Variants in PARM1 observed in about 807,000 individuals in gnomAD.
PARM1 encodes the protein prostate androgen-regulated mucin-like protein 1.
Under a neutral mutation model 24.6 loss-of-function variants are expected in PARM1, and 14 were observed. The observed-to-expected ratio is 0.57, with a 90% CI of 0.38 to 0.89. PARM1 has a LOEUF of 0.89. PARM1 is among the 40% of genes least tolerant of loss of function. PARM1 has a pLI of 0.00. For missense variants in PARM1, 362 were observed against 380.4 expected, an observed-to-expected ratio of 0.95 and a Z score of 0.40; for synonymous variants, 179 against 156.6, an observed-to-expected ratio of 1.14 and a Z score of -1.07.
intron 3 of PARM1, among the ~76,000 whole-genome samples, chr4:75,044,646 A>C (rs1372260039): frequency 6.6e-6 from 1 of 152,206 alleles, no homozygotes; most frequent in Non-Finnish European, 1.5e-5. Context: ...AGAAATATTA[A>C]GCTGGGAGTC....
chr4:74,979,203 A>T (rs6854667), intron 1 of PARM1, among the ~76,000 whole-genome samples: 22,008 of 152,000 alleles, frequency 0.14, 1,785 homozygotes, highest in East Asian at 0.34. Flanking sequence ...TTTTAAAAAA[A>T]ATATTAAAAT....
intron 1 of PARM1, chr4:74,967,724 T>C (rs1388659926): frequency 6.6e-6 from 1 of 152,230 alleles, no homozygotes; most frequent in Admixed American, 6.5e-5. Flanking sequence ...AATACATGCC[T>C]ACCTGTAAAG....
At chr4:74,938,126 A>G (rs559743826) in intron 1 of PARM1, among the ~76,000 whole-genome samples, 2 of 152,212 alleles carry the variant, frequency 1.3e-5, no homozygotes, top group Admixed American at 6.5e-5. Context: ...GCAATAATCA[A>G]TAATTGCCGT....
chr4:75,033,156 A>C (rs1400483948), intron 2 of PARM1, among the ~76,000 whole-genome samples: 1 of 152,196 alleles, frequency 6.6e-6, no homozygotes, highest in Admixed American at 6.5e-5. Context: ...GCGTGACTTT[A>C]TATTGCACCA....
intron 3 of PARM1, among the ~76,000 whole-genome samples, chr4:75,040,416 CT>C (rs1723459330): frequency 6.6e-6 from 1 of 151,878 alleles, no homozygotes; most frequent in South Asian, 2.1e-4. Flanking sequence ...AAAGTAACAG[CT>C]TTTTAAAAGA....
At chr4:75,013,844 G>A (rs1560792451) in intron 2 of PARM1, among the ~76,000 whole-genome samples, 1 of 152,084 alleles carries the variant, frequency 6.6e-6, no homozygotes, top group Non-Finnish European at 1.5e-5. Flanking sequence ...TCTTTGTTTT[G>A]TAATCTTGGA....
In PARM1 at chr4:75,012,939, C is replaced by T. The variant is rs775715187; in HGVS notation, c.558C>T (p.Pro186=). 6.2e-7 allele frequency: 1 copy of T among 1,613,988 alleles called. No homozygotes were observed. Among genetic ancestry groups the T allele is most frequent in the Admixed American group, 1.7e-5 (1 of 60,026 alleles). ...GCTCCACTGTGACCAGCACCCAACC[C>T]ACTGGAGCTCCAACTGCACCAGAGT... The part of the protein sequence containing the change: ...NHSSTVTSTQ[P]TGAPTAPESP... The change falls in exon 2 of 4, where the codon CCC becomes CCT. Residue 186 remains proline, a synonymous_variant. Coordinates refer to ENST00000307428, the MANE Select transcript of PARM1 (RefSeq NM_015393.4).
intron 1 of PARM1, among the ~76,000 whole-genome samples, chr4:74,990,712 T>G (rs542804665): frequency 1.3e-5 from 2 of 152,140 alleles, no homozygotes; most frequent in Admixed American, 1.3e-4. Context: ...CAACCAAGCA[T>G]AGTAAATTAG....
chr4:75,012,069 C>G (rs73828406), intron 1 of PARM1, among the ~76,000 whole-genome samples: 1 of 152,134 alleles, frequency 6.6e-6, no homozygotes, highest in Non-Finnish European at 1.5e-5. Context: ...GTTGGCTGCT[C>G]GGCAGTCCAG....
At chr4:74,987,209 A>G (rs549469061) in intron 1 of PARM1, among the ~76,000 whole-genome samples, 1 of 152,276 alleles carries the variant, frequency 6.6e-6, no homozygotes, top group Non-Finnish European at 1.5e-5. Flanking sequence ...TCAGTCACAA[A>G]TACAGTTTCC....
chr4:74,977,206 A>G (rs1327652057), intron 1 of PARM1, among the ~76,000 whole-genome samples: 1 of 152,234 alleles, frequency 6.6e-6, no homozygotes, highest in East Asian at 1.9e-4. Context: ...CAAGCTAAGA[A>G]TCATGATAAA....
intron 1 of PARM1, among the ~76,000 whole-genome samples, chr4:75,007,970 A>G (rs1722804151): frequency 6.6e-6 from 1 of 152,152 alleles, no homozygotes; most frequent in South Asian, 2.1e-4. Context: ...AGCCTTTACA[A>G]CTGCGAAAAT....
intron 1 of PARM1, among the ~76,000 whole-genome samples, chr4:74,947,580 A>G (rs1216590746): frequency 2.6e-5 from 4 of 152,220 alleles, no homozygotes; most frequent in Non-Finnish European, 5.9e-5. Flanking sequence ...AATATTTTCA[A>G]TATGATAATA....
intron 1 of PARM1, chr4:74,965,240 CTG>C (rs1462934147): frequency 1.3e-5 from 2 of 152,164 alleles, no homozygotes; most frequent in Non-Finnish European, 2.9e-5. Flanking sequence ...GACTGAAAAA[CTG>C]TTTCTTAGTT....
intron 1 of PARM1, among the ~76,000 whole-genome samples, chr4:74,963,694 GT>G (rs546908766): frequency 2.2e-3 from 333 of 152,306 alleles, no homozygotes; most frequent in Non-Finnish European, 3.2e-3. Context: ...CAGAGTTTCT[GT>G]TTGGGATGAT....
At chr4:74,998,097 T>C (rs923473511) in intron 1 of PARM1, among the ~76,000 whole-genome samples, 2 of 152,190 alleles carry the variant, frequency 1.3e-5, no homozygotes, top group African/African-American at 4.8e-5. Context: ...CAGAATATGC[T>C]GTACTCCAAT....
chr4:75,043,629 A>T (rs1482256202), intron 3 of PARM1, among the ~76,000 whole-genome samples: 1 of 152,218 alleles, frequency 6.6e-6, no homozygotes, highest in African/African-American at 2.4e-5. Context: ...CCAGGCTTGT[A>T]GCAGTAAGTT....
chr4:75,046,119 C>T, intron 3 of PARM1, 44 bp from the exon 4 acceptor site: 1 of 1,363,590 alleles, frequency 7.3e-7, no homozygotes, highest in South Asian at 1.2e-5. Flanking sequence ...CTCAGATGGG[C>T]AACTTTTCCA....
At chr4:75,019,726 G>C (rs1250531351) in intron 2 of PARM1, among the ~76,000 whole-genome samples, 1 of 152,026 alleles carries the variant, frequency 6.6e-6, no homozygotes, top group Non-Finnish European at 1.5e-5. Flanking sequence ...AATTTCGCCC[G>C]GGCGCGGTGG....
Sources: allele counts gnomAD v4.1 joint callset (sites outside exome capture counted in the v4.1 genomes callset), GRCh38; gene constraint gnomAD v4.1.1; transcripts MANE v1.5; gene names NCBI Gene and HGNC (gene_info 2026-07-23, HGNC 2026-07-21).